The following CSGALNACT1 variants were observed in gnomAD, a reference collection of about 807,000 sequenced individuals.
CSGALNACT1 encodes the protein chondroitin sulfate N-acetylgalactosaminyltransferase 1.
Under a neutral mutation model 51.0 loss-of-function variants are expected in CSGALNACT1, and 52 were observed. The ratio of observed to expected loss-of-function variants is 1.02; its 90% CI spans 0.82 to 1.29. The LOEUF (loss-of-function observed/expected upper bound fraction) is 1.29. CSGALNACT1 is among the 50% of genes most tolerant of loss of function. The pLI, the probability that CSGALNACT1 is intolerant of heterozygous loss-of-function variation, is 0.00. For missense variants in CSGALNACT1, 935 were observed against 679.2 expected (o/e 1.38, Z -4.19); for synonymous variants, 341 against 254.4 (o/e 1.34, Z -3.24).
intron 1 of CSGALNACT1, among the ~76,000 whole-genome samples, chr8:19,665,908 G>A (rs1249663745): frequency 1.3e-5 from 2 of 152,138 alleles, no homozygotes; most frequent in Non-Finnish European, 2.9e-5. Context: ...CAAGATCAAT[G>A]GACCTACATT....
At chr8:19,498,609 G>C (rs185921217) in intron 4 of CSGALNACT1, among the ~76,000 whole-genome samples, 1 of 151,292 alleles carries the variant, frequency 6.6e-6, no homozygotes, top group East Asian at 2.0e-4. Flanking sequence ...CCCCTCCTAA[G>C]CCTGCAGCAG....
At chr8:19,601,201 G>T (rs1246864133) in intron 2 of CSGALNACT1, among the ~76,000 whole-genome samples, 2 of 152,192 alleles carry the variant, frequency 1.3e-5, no homozygotes, top group African/African-American at 4.8e-5. Flanking sequence ...TTTGTCCCCG[G>T]ACTAAAACCA....
chr8:19,718,375 T>C (rs2062932400), intron 1 of CSGALNACT1, among the ~76,000 whole-genome samples: 1 of 152,164 alleles, frequency 6.6e-6, no homozygotes, highest in African/African-American at 2.4e-5. Context: ...GTGCTGAGTT[T>C]ACAGGCGTGA....
At chr8:19,512,403 C>A (rs2078640368) in intron 3 of CSGALNACT1, among the ~76,000 whole-genome samples, 1 of 152,194 alleles carries the variant, frequency 6.6e-6, no homozygotes, top group African/African-American at 2.4e-5. Flanking sequence ...AGACTCCTGA[C>A]CCTAAGACCT....
chr8:19,466,681 C>A (rs1208822856), intron 4 of CSGALNACT1, among the ~76,000 whole-genome samples: 1 of 152,056 alleles, frequency 6.6e-6, no homozygotes, highest in Non-Finnish European at 1.5e-5. Context: ...AAGAGATGTC[C>A]TAAGACTGCT....
chr8:19,452,012 G>A (rs1441827327), intron 5 of CSGALNACT1, among the ~76,000 whole-genome samples: 1 of 152,162 alleles, frequency 6.6e-6, no homozygotes, highest in African/African-American at 2.4e-5. Flanking sequence ...ATCTGAAATA[G>A]CAATCATTGC....
rs142050643 is a variant in CSGALNACT1, at chr8:19,598,766, G to A, written c.-416+3005C>T. Among the ~76,000 whole-genome samples the A allele has an allele frequency of 9.2e-3, 1,408 of 152,268 alleles. 23 individuals are homozygous for A. Among genetic ancestry groups the A allele is most frequent in the African/African-American group, 0.032 (1,311 of 41,540 alleles). The stretch of plus-strand genomic sequence containing the variant: ...AGGGGTGAGTTCAGGAGACGACTGC[G>A]CAAACAATAATGACAATGCAATGAC... On this transcript the variant is annotated intron_variant, in intron 2 of 9. Coordinates refer to ENST00000454498, the Ensembl canonical transcript of CSGALNACT1.
chr8:19,691,707 C>T (rs900243038), intron 1 of CSGALNACT1, among the ~76,000 whole-genome samples: 4 of 152,160 alleles, frequency 2.6e-5, no homozygotes, highest in Admixed American at 2.0e-4. Context: ...GACTCAGCCT[C>T]TTTAAGCCTC....
At chr8:19,526,046 C>T (rs748113895) in intron 3 of CSGALNACT1, among the ~76,000 whole-genome samples, 32 of 152,090 alleles carry the variant, frequency 2.1e-4, no homozygotes, top group Non-Finnish European at 3.4e-4. Flanking sequence ...CCTATAAATC[C>T]GTAATTATTT....
At chr8:19,455,527 A>G (rs1268434120) in intron 5 of CSGALNACT1, among the ~76,000 whole-genome samples, 1 of 152,200 alleles carries the variant, frequency 6.6e-6, no homozygotes, top group East Asian at 1.9e-4. Flanking sequence ...AATAAGAATC[A>G]CATTTTTTTC....
At chr8:19,418,267 TG>T (rs2057277871) in intron 8 of CSGALNACT1, among the ~76,000 whole-genome samples, 2 of 152,288 alleles carry the variant, frequency 1.3e-5, no homozygotes, top group African/African-American at 4.8e-5. Flanking sequence ...TGGCCCTCTC[TG>T]GGGTGAGCCA....
chr8:19,702,476 C>T (rs2061933475), intron 1 of CSGALNACT1, among the ~76,000 whole-genome samples: 4 of 152,072 alleles, frequency 2.6e-5, no homozygotes, highest in Admixed American at 2.0e-4. Context: ...CACACCACTG[C>T]ACTCCAGTTT....
At chr8:19,736,518 A>G (rs1401979146) in intron 1 of CSGALNACT1, among the ~76,000 whole-genome samples, 1 of 70,468 alleles carries the variant, frequency 1.4e-5, no homozygotes, top group Non-Finnish European at 3.4e-5. Flanking sequence ...CCCAAAACCA[A>G]AAAAAAAAAA....
chr8:19,541,246 A>ATT (rs34749639), intron 3 of CSGALNACT1, among the ~76,000 whole-genome samples: 1,733 of 111,230 alleles, frequency 0.016, 79 homozygotes, highest in African/African-American at 0.054. Context: ...AACTTGGCTA[A>ATT]TTTTTTTTTT....
chr8:19,609,943 G>A (rs188195120), intron 1 of CSGALNACT1, among the ~76,000 whole-genome samples: 10 of 152,138 alleles, frequency 6.6e-5, no homozygotes, highest in Admixed American at 2.6e-4. Flanking sequence ...GGAAGAGGCC[G>A]GGCACGGTGG....
intron 1 of CSGALNACT1, among the ~76,000 whole-genome samples, chr8:19,663,228 G>A (rs1429862450): frequency 6.6e-6 from 1 of 152,068 alleles, no homozygotes; most frequent in Admixed American, 6.5e-5. Context: ...TGTGAAGATG[G>A]ATTTTTCCAT....
exon 4 of CSGALNACT1, chr8:19,506,111 A>G: frequency 1.6e-6 from 1 of 631,906 alleles, no homozygotes. Context: ...CCTGATGTGC[A>G]GCCAACAGCA....
intron 1 of CSGALNACT1, among the ~76,000 whole-genome samples, chr8:19,722,766 T>C (rs1167319840): frequency 6.6e-6 from 1 of 152,208 alleles, no homozygotes; most frequent in Non-Finnish European, 1.5e-5. Flanking sequence ...GTGCTGGGTA[T>C]GACTACAGCA....
intron 3 of CSGALNACT1, among the ~76,000 whole-genome samples, chr8:19,529,917 T>G (rs528976198): frequency 6.6e-6 from 1 of 152,324 alleles, no homozygotes; most frequent in South Asian, 2.1e-4. Flanking sequence ...ATTTCTCATA[T>G]TTTATTTTTT....
Sources: allele counts gnomAD v4.1 joint callset (sites outside exome capture counted in the v4.1 genomes callset), GRCh38; gene constraint gnomAD v4.1.1; transcripts MANE v1.5; gene names NCBI Gene and HGNC (gene_info 2026-07-23, HGNC 2026-07-21).